The following FBXO36 variants were observed in gnomAD, a reference collection of about 807,000 sequenced individuals.
The protein encoded by FBXO36 is F-box only protein 36.
Under a neutral mutation model 17.0 loss-of-function variants are expected in FBXO36, and 18 were observed. The observed-to-expected ratio is 1.06, with a 90% CI of 0.73 to 1.57. FBXO36 has a LOEUF of 1.57. Ranked by LOEUF, FBXO36 falls within the 40% of genes most tolerant of loss-of-function variation. The probability of loss-of-function intolerance (pLI) is 0.00; values close to 1 mark genes in which losing one functional copy is unlikely to be tolerated. For missense variants in FBXO36, 229 were observed against 221.9 expected (o/e 1.03, Z -0.20); for synonymous variants, 83 against 85.3 (o/e 0.97, Z 0.15).
chr2:229,959,301 G>C (rs1377636365), intron 1 of FBXO36, among the ~76,000 whole-genome samples: 1 of 152,116 alleles, frequency 6.6e-6, no homozygotes, highest in Non-Finnish European at 1.5e-5. Context: ...TTACAGGTGT[G>C]AGCCACTGAG....
At chr2:229,953,874 T>C (rs1401111011) in intron 1 of FBXO36, among the ~76,000 whole-genome samples, 1 of 152,132 alleles carries the variant, frequency 6.6e-6, no homozygotes, top group African/African-American at 2.4e-5. Context: ...ATTTCTTTTT[T>C]TTTAAATTTT....
chr2:229,998,394 G>A (rs757160914), intron 3 of FBXO36, among the ~76,000 whole-genome samples: 17 of 152,122 alleles, frequency 1.1e-4, no homozygotes, highest in Admixed American at 3.9e-4. Flanking sequence ...AGGCTGAGGC[G>A]GTTGGATCAC....
At chr2:230,004,883 G>A (rs1345861117) in intron 3 of FBXO36, among the ~76,000 whole-genome samples, 1 of 152,112 alleles carries the variant, frequency 6.6e-6, no homozygotes, top group Non-Finnish European at 1.5e-5. Context: ...GCACACACCT[G>A]TAATCCCAGC....
At chr2:229,937,771 CTCTT>C (rs944771778) in intron 1 of FBXO36, 6 of 152,260 alleles carry the variant, frequency 3.9e-5, no homozygotes, top group East Asian at 1.9e-4. Flanking sequence ...GGGTTTCTCT[CTCTT>C]TTTTTTTAAG....
chr2:229,996,171 G>A (rs949621292), intron 2 of FBXO36, among the ~76,000 whole-genome samples: 2 of 151,904 alleles, frequency 1.3e-5, no homozygotes, highest in Non-Finnish European at 2.9e-5. Context: ...CCAGCTACTT[G>A]GGAGGCTGAA....
intron 2 of FBXO36, among the ~76,000 whole-genome samples, chr2:229,987,431 T>G (rs2077274818): frequency 6.6e-6 from 1 of 152,104 alleles, no homozygotes; most frequent in Non-Finnish European, 1.5e-5. Flanking sequence ...TTAATTAATC[T>G]TGCCAGGGGT....
At chr2:229,965,205 A>T (rs1313873270) in intron 1 of FBXO36, among the ~76,000 whole-genome samples, 1 of 136,504 alleles carries the variant, frequency 7.3e-6, no homozygotes, top group African/African-American at 2.8e-5. Flanking sequence ...GGCTCGTCTC[A>T]AACACCTGGG....
chr2:229,935,334 CA>C (rs1400897396), intron 1 of FBXO36, among the ~76,000 whole-genome samples: 1 of 152,102 alleles, frequency 6.6e-6, no homozygotes, highest in Non-Finnish European at 1.5e-5. Flanking sequence ...TTCACAAAAA[CA>C]CACCACCGTG....
At chr2:229,942,216 G>A (rs1046796653) in intron 1 of FBXO36, among the ~76,000 whole-genome samples, 1 of 152,054 alleles carries the variant, frequency 6.6e-6, no homozygotes, top group Non-Finnish European at 1.5e-5. Context: ...AGGTAAAATG[G>A]GTAATAGGAG....
chr2:229,935,109 C>T (rs1216102002), intron 1 of FBXO36, among the ~76,000 whole-genome samples: 7 of 152,172 alleles, frequency 4.6e-5, no homozygotes, highest in African/African-American at 1.7e-4. Flanking sequence ...TCTGGATGAA[C>T]ATGTTTTGAT....
Position 230,010,842 on chromosome 2 carries a change from G to A in FBXO36, c.525G>A (p.Lys175=), listed in dbSNP as rs753831109. 31 of 1,613,432 alleles carry A rather than the reference G, an allele frequency of 1.9e-5. No homozygotes were observed. Among genetic ancestry groups the A allele is most frequent in the Non-Finnish European group, 2.5e-5 (30 of 1,179,684 alleles). The change falls in exon 4 of 4, where the codon AAG becomes AAA. Residue 175 remains lysine, a synonymous_variant. Coordinates refer to ENST00000283946, the MANE Select transcript of FBXO36 (RefSeq NM_174899.5). ...NKLQLQRQLR[K]RKQKYGNLRE... ...TCCAGCTCCAGCGGCAGCTCCGCAAGAGGAAACAAAAATATGGAAACCTGA... is the reference window on the plus strand; with the variant it reads ...TCCAGCTCCAGCGGCAGCTCCGCAAAAGGAAACAAAAATATGGAAACCTGA...
chr2:229,956,479 C>G (rs1355188921), intron 1 of FBXO36, among the ~76,000 whole-genome samples: 1 of 152,152 alleles, frequency 6.6e-6, no homozygotes, highest in African/African-American at 2.4e-5. Flanking sequence ...CTTATATGCT[C>G]TCATCACAGG....
chr2:229,932,803 C>CT (rs2076945715), intron 1 of FBXO36: 1 of 205,812 alleles, frequency 4.9e-6, no homozygotes, highest in South Asian at 5.7e-5. Context: ...GGCGCAGTGG[C>CT]TTACGCCTGT....
intron 1 of FBXO36, among the ~76,000 whole-genome samples, chr2:229,962,892 G>A (rs2077131013): frequency 6.6e-6 from 1 of 151,980 alleles, no homozygotes; most frequent in Non-Finnish European, 1.5e-5. Flanking sequence ...AGCCAGGCTG[G>A]TCTCAAACTC....
intron 2 of FBXO36, among the ~76,000 whole-genome samples, chr2:229,979,341 A>AGT (rs1206952955): frequency 2.0e-5 from 3 of 151,146 alleles, no homozygotes; most frequent in Non-Finnish European, 4.4e-5. Flanking sequence ...AAATATATAT[A>AGT]GTGTGTGTGT....
rs1294343120 is a variant in FBXO36, at chr2:229,988,879, A to C, written c.206-7872A>C. On this transcript the variant is annotated intron_variant, in intron 2 of 3. Transcript: ENST00000283946. ...TTTTACCGCATAGTATTTATGCTTT[A>C]ATAGAGTATATATGCTTTATACTAA... Among the ~76,000 whole-genome samples, 3 of 140,170 alleles carry C rather than the reference A, an allele frequency of 2.1e-5. No homozygotes were observed. The South Asian group carries it at 6.7e-4, about 31-fold the overall frequency. 92.0% of individuals were successfully genotyped at this position (140,170 alleles called of 152,430 possible). A position where few individuals can be genotyped will look rare whatever the true frequency, so the allele number is the denominator to read the frequency against.
intron 3 of FBXO36, among the ~76,000 whole-genome samples, chr2:230,001,622 G>T (rs1352229919): frequency 6.6e-6 from 1 of 151,754 alleles, no homozygotes; most frequent in Admixed American, 6.6e-5. Context: ...CTTTATTAAT[G>T]AAAAAAAGGC....
At chr2:230,008,489 T>C (rs1257558384) in intron 3 of FBXO36, among the ~76,000 whole-genome samples, 1 of 152,140 alleles carries the variant, frequency 6.6e-6, no homozygotes, top group Non-Finnish European at 1.5e-5. Flanking sequence ...ATGGGGGTAT[T>C]TTGTACACGA....
At chr2:229,944,783 C>T (rs530700656) in intron 1 of FBXO36, among the ~76,000 whole-genome samples, 2 of 151,764 alleles carry the variant, frequency 1.3e-5, no homozygotes, top group East Asian at 1.9e-4. Context: ...TTAGTAGAGA[C>T]GGGGTTTCAC....
Sources: allele counts gnomAD v4.1 joint callset (sites outside exome capture counted in the v4.1 genomes callset), GRCh38; gene constraint gnomAD v4.1.1; transcripts MANE v1.5; gene names NCBI Gene and HGNC (gene_info 2026-07-23, HGNC 2026-07-21).